Variants in ATP8A2 observed in about 807,000 individuals in gnomAD.
ATP8A2 encodes ATPase phospholipid transporting 8A2.
A neutral mutation model predicts 165.6 loss-of-function variants in ATP8A2; 100 were observed. The ratio of observed to expected loss-of-function variants is 0.60; its 90% CI spans 0.51 to 0.71. The LOEUF is 0.71. Ranked by LOEUF, ATP8A2 falls within the 30% of genes least tolerant of loss-of-function variation. ATP8A2 has a pLI of 0.00. For synonymous variants in ATP8A2, 543 were observed against 548.8 expected, an observed-to-expected ratio of 0.99 and a Z score of 0.15; for missense variants, 1,227 against 1,479.5, an observed-to-expected ratio of 0.83 and a Z score of 2.80.
intron 2 of ATP8A2, among the ~76,000 whole-genome samples, chr13:25,473,065 C>A (rs571954268): frequency 1.2e-3 from 186 of 152,258 alleles, no homozygotes; most frequent in Non-Finnish European, 1.6e-3. Flanking sequence ...TAGGGAAATG[C>A]CTAGAAAGCA....
At chr13:25,519,687 C>T (rs1398217744) in intron 2 of ATP8A2, among the ~76,000 whole-genome samples, 1 of 152,168 alleles carries the variant, frequency 6.6e-6, no homozygotes. Flanking sequence ...TCTTGGGTTT[C>T]CATGCAGCTA....
intron 36 of ATP8A2, among the ~76,000 whole-genome samples, chr13:26,017,990 CTCTGTTCTGTTCTCT>C (rs1178263582): frequency 1.3e-5 from 2 of 152,222 alleles, no homozygotes; most frequent in Non-Finnish European, 2.9e-5. Flanking sequence ...GAAGATTCCT[CTCTGTTCTGTTCTCT>C]TCTGTTCTGT....
chr13:25,481,278 T>A (rs2036192427), intron 2 of ATP8A2, among the ~76,000 whole-genome samples: 1 of 152,108 alleles, frequency 6.6e-6, no homozygotes, highest in South Asian at 2.1e-4. Flanking sequence ...TTTGCCCACA[T>A]TTTCTGATGG....
intron 24 of ATP8A2, among the ~76,000 whole-genome samples, chr13:25,640,121 T>C (rs1048392047): frequency 6.6e-6 from 1 of 152,206 alleles, no homozygotes; most frequent in Non-Finnish European, 1.5e-5. Flanking sequence ...GAGGGAAATT[T>C]ATAGCACTAA....
At position 25,602,333 on chromosome 13, in the gene ATP8A2, T is replaced by C. The variant is rs141870114; in HGVS notation, c.2211+12634T>C. Among the ~76,000 whole-genome samples the C allele has an allele frequency of 5.1e-3, 774 of 152,122 alleles. 8 individuals carry two copies. Among genetic ancestry groups the C allele is most frequent in the African/African-American group, 0.018 (749 of 41,508 alleles). On this transcript the variant is annotated intron_variant, in intron 24 of 36. Coordinates refer to ENST00000381655, the MANE Select transcript of ATP8A2 (RefSeq NM_016529.6). ...GGCTGGCGGGGAGGGGAGAAGCTGC[T>C]GTGTTGTGTAGGTGGTAAAGGAAAT...
At chr13:25,559,298 C>T (rs909266819) in intron 14 of ATP8A2, among the ~76,000 whole-genome samples, 35 of 152,018 alleles carry the variant, frequency 2.3e-4, no homozygotes, top group African/African-American at 7.7e-4. Flanking sequence ...TTTGGGAGGC[C>T]GAGGCAGGTG....
intron 27 of ATP8A2, among the ~76,000 whole-genome samples, chr13:25,800,738 G>A (rs886942476): frequency 4.0e-5 from 6 of 150,660 alleles, no homozygotes; most frequent in Non-Finnish European, 5.9e-5. Flanking sequence ...CCCTGCTGCA[G>A]CCTGCCTCCT....
intron 2 of ATP8A2, among the ~76,000 whole-genome samples, chr13:25,482,459 C>T (rs1010904761): frequency 4.6e-5 from 7 of 151,910 alleles, no homozygotes; most frequent in South Asian, 2.1e-4. Flanking sequence ...AAGATGAGTA[C>T]GAGTCAGCCT....
chr13:25,844,515 C>T (rs780598639), intron 30 of ATP8A2, among the ~76,000 whole-genome samples: 9 of 152,128 alleles, frequency 5.9e-5, no homozygotes, highest in Non-Finnish European at 1.5e-5. Context: ...AGGTGTGAGC[C>T]AATGCACCTG....
At chr13:25,907,882 GTGATGGACC>G in intron 33 of ATP8A2, among the ~76,000 whole-genome samples, 1 of 152,318 alleles carries the variant, frequency 6.6e-6, no homozygotes, top group South Asian at 2.1e-4. Context: ...TTAGAGTTCT[GTGATGGACC>G]AAGCATGAAA....
chr13:25,633,468 A>C (rs2041296030), intron 24 of ATP8A2, among the ~76,000 whole-genome samples: 1 of 152,314 alleles, frequency 6.6e-6, no homozygotes, highest in East Asian at 1.9e-4. Context: ...TGGGAATACG[A>C]GCGAGATCAC....
chr13:25,840,783 A>G (rs1428915783), intron 30 of ATP8A2, among the ~76,000 whole-genome samples: 1 of 152,192 alleles, frequency 6.6e-6, no homozygotes, highest in Non-Finnish European at 1.5e-5. Context: ...TGACAGACTC[A>G]GCCATCATTG....
chr13:25,988,173 C>T (rs1956307156), intron 35 of ATP8A2, among the ~76,000 whole-genome samples: 2 of 152,248 alleles, frequency 1.3e-5, no homozygotes, highest in African/African-American at 4.8e-5. Context: ...GAAACACTTG[C>T]ATGTCCAGGT....
chr13:25,952,903 G>C (rs1305094733), intron 33 of ATP8A2, among the ~76,000 whole-genome samples: 1 of 152,174 alleles, frequency 6.6e-6, no homozygotes, highest in Non-Finnish European at 1.5e-5. Flanking sequence ...AAGAGAAGGA[G>C]ATTTACCTTT....
intron 35 of ATP8A2, among the ~76,000 whole-genome samples, chr13:25,974,674 A>C (rs893368040): frequency 6.6e-6 from 1 of 150,586 alleles, no homozygotes; most frequent in Non-Finnish European, 1.5e-5. Flanking sequence ...GGTCCTTGCC[A>C]CTCCTCCCCA....
In ATP8A2 at chr13:25,987,991, G is replaced by A. The variant is rs138926621; in HGVS notation, c.3377+19312G>A. Among the ~76,000 whole-genome samples, 7 of 152,342 alleles carry A rather than the reference G, an allele frequency of 4.6e-5. No individual in the cohort carries two copies. The East Asian group carries it at 9.6e-4, about 21-fold the overall frequency. ...TAGTTGATTTACTTTGGATGATGCA[G>A]TATTTTTCAAGAGAAGTTTTCATAT... On this transcript the variant is annotated intron_variant, in intron 35 of 36. Transcript: ENST00000381655.
In ATP8A2 at chr13:25,472,419, T is replaced by C. The variant is rs1031785422; in HGVS notation, c.221+3298T>C. Among the ~76,000 whole-genome samples the C allele has an allele frequency of 1.1e-4, 17 of 151,330 alleles. No homozygotes were observed. The East Asian group carries it at 3.3e-3, about 29-fold the overall frequency. ...AAAAAAAAAAAAAAAAAATTGATTA[T>C]AAAGCTTCTTAGCATTATGGTTTAA... On this transcript the variant is annotated intron_variant, in intron 2 of 36. Transcript: ENST00000381655.
At chr13:25,672,378 G>T (rs2042284638) in intron 24 of ATP8A2, among the ~76,000 whole-genome samples, 1 of 152,134 alleles carries the variant, frequency 6.6e-6, no homozygotes, top group South Asian at 2.1e-4. Context: ...TCTCCAAAGT[G>T]CTGGCTGCCT....
At chr13:25,529,698 C>G (rs2037967990) in intron 2 of ATP8A2, among the ~76,000 whole-genome samples, 1 of 152,174 alleles carries the variant, frequency 6.6e-6, no homozygotes, top group African/African-American at 2.4e-5. Context: ...GCCTGCTGTT[C>G]ATAGCATATA....
Sources: allele counts gnomAD v4.1 joint callset (sites outside exome capture counted in the v4.1 genomes callset), GRCh38; gene constraint gnomAD v4.1.1; transcripts MANE v1.5; gene names NCBI Gene and HGNC (gene_info 2026-07-23, HGNC 2026-07-21).